Variants in NSD3 observed in about 807,000 individuals in gnomAD.
NSD3 encodes the protein histone-lysine N-methyltransferase NSD3.
Under a neutral mutation model 160.8 loss-of-function variants are expected in NSD3, and 24 were observed. The ratio of observed to expected loss-of-function variants is 0.15; its 90% CI spans 0.11 to 0.21. The LOEUF (loss-of-function observed/expected upper bound fraction) is 0.21. NSD3 is among the 10% of genes least tolerant of loss of function. NSD3 has a pLI of 1.00. For synonymous variants in NSD3, 520 were observed against 600.0 expected, an observed-to-expected ratio of 0.87 and a Z score of 1.95; for missense variants, 1,157 against 1,735.9, an observed-to-expected ratio of 0.67 and a Z score of 5.93.
At chr8:38,374,001 G>A (rs1323326152) in intron 1 of NSD3, among the ~76,000 whole-genome samples, 1 of 149,742 alleles carries the variant, frequency 6.7e-6, no homozygotes, top group Non-Finnish European at 1.5e-5. Context: ...TGTAGTCCCA[G>A]CTACTCAGGA....
In NSD3 at chr8:38,305,999, T is replaced by C. The variant is rs575618101; in HGVS notation, c.2243-554A>G. On this transcript the variant is annotated intron_variant, in intron 12 of 23. Transcript: ENST00000317025. ...AGAAAAATGGAAGCCAAAAAAACAATAGAATGATATTTTCAAAGGGCTGAA... is the reference window on the plus strand; with the variant it reads ...AGAAAAATGGAAGCCAAAAAAACAACAGAATGATATTTTCAAAGGGCTGAA... 1.5e-4 allele frequency among the ~76,000 whole-genome samples: 23 copies of C among 152,000 alleles called. 1 individual carries two copies. The South Asian group carries it at 3.5e-3, about 23-fold the overall frequency.
intron 19 of NSD3, among the ~76,000 whole-genome samples, chr8:38,286,866 ACACGG>A (rs1447685760): frequency 1.3e-5 from 2 of 152,170 alleles, no homozygotes; most frequent in Non-Finnish European, 2.9e-5. Context: ...TCTACCACAC[ACACGG>A]CAAACAGCGC....
chr8:38,335,777 A>G (rs1479748547), intron 4 of NSD3, among the ~76,000 whole-genome samples: 2 of 152,232 alleles, frequency 1.3e-5, no homozygotes, highest in African/African-American at 4.8e-5. Context: ...TTATGAAATT[A>G]AGATTTCTTT....
At chr8:38,352,771 A>AT (rs1810734433) in intron 1 of NSD3, among the ~76,000 whole-genome samples, 1 of 151,872 alleles carries the variant, frequency 6.6e-6, no homozygotes, top group Non-Finnish European at 1.5e-5. Flanking sequence ...CACCTGGCTA[A>AT]TTTTTTGTAT....
At chr8:38,341,883 C>T (rs759635065) in intron 2 of NSD3, among the ~76,000 whole-genome samples, 1 of 151,598 alleles carries the variant, frequency 6.6e-6, no homozygotes, top group Admixed American at 6.6e-5. Flanking sequence ...GAGTTTGAGG[C>T]TGTGTGAGCT....
intron 4 of NSD3, 123 bp from the exon 5 acceptor site, chr8:38,331,708 G>A: frequency 1.0e-6 from 1 of 992,260 alleles, no homozygotes; most frequent in Non-Finnish European, 1.5e-6. Context: ...TGTTTGGATT[G>A]TCCAAAGATA....
intron 21 of NSD3, among the ~76,000 whole-genome samples, chr8:38,278,707 G>T (rs1226247662): frequency 6.6e-6 from 1 of 152,218 alleles, no homozygotes; most frequent in African/African-American, 2.4e-5. Flanking sequence ...ATGCTCAGGA[G>T]ACTAGGTTCC....
chr8:38,296,208 A>T (rs1421184634), intron 15 of NSD3, among the ~76,000 whole-genome samples: 1 of 152,186 alleles, frequency 6.6e-6, no homozygotes, highest in Non-Finnish European at 1.5e-5. Flanking sequence ...ACTCCTTTAA[A>T]CTATGGGCTA....
Position 38,316,609 on chromosome 8 carries a change from C to T in NSD3, c.1856-567G>A. 9.5e-7 allele frequency: 1 copy of T among 1,052,444 alleles called. No individual in the cohort carries two copies. Among genetic ancestry groups the T allele is most frequent in the Non-Finnish European group, 1.1e-6 (1 of 871,186 alleles). The allele number at this position is 1,052,444 out of a possible 1,614,324, so 65.2% of individuals were successfully genotyped here. A position where few individuals can be genotyped will look rare whatever the true frequency, so the allele number is the denominator to read the frequency against. On this transcript the variant is annotated intron_variant, in intron 9 of 23. Transcript: ENST00000317025. This position sits in a 1 kb window ranked among gnomAD's most constrained non-coding sequence, Gnocchi z 4.5. ...ATCTGAGACTTCCTTGGTGAAGTGG[C>T]ATTTATTGTGACCATTAACAAGCGC...
chr8:38,379,677 CA>C (rs1811488339), intron 1 of NSD3, among the ~76,000 whole-genome samples: 1 of 152,164 alleles, frequency 6.6e-6, no homozygotes, highest in Admixed American at 6.5e-5. Context: ...TTCTGTATAA[CA>C]ACTGAGAGGA....
Position 38,345,541 on chromosome 8 carries a change from C to T in NSD3, c.675+1956G>A, listed in dbSNP as rs145264965. 4.2e-3 allele frequency among the ~76,000 whole-genome samples: 644 copies of T among 152,142 alleles called. 2 individuals are homozygous for T. The highest frequency in any genetic ancestry group is 0.015 in the African/African-American group (614 of 41,504). ...CTTTATCCCAAGCTATTGTAAGATC[C>T]TAAACAATCAAATAGTAAATTTTGC... On this transcript the variant is annotated intron_variant, in intron 2 of 23. Coordinates refer to ENST00000317025, the MANE Select transcript of NSD3 (RefSeq NM_023034.2).
Position 38,321,050 on chromosome 8 carries a change from T to C in NSD3, c.1809+22A>G. On this transcript the variant is annotated intron_variant, in intron 8 of 23. Transcript: ENST00000317025. The surrounding 1 kb of genome is among the most constrained non-coding windows in gnomAD (Gnocchi z 4.7). ...ACATTTACAAATACAATGTTTTAAC[T>C]CTCTACATGTAGGAAGCCAACCTGC... is the stretch of plus-strand genomic sequence containing the variant. 3.8e-6 allele frequency: 6 copies of C among 1,599,700 alleles called. No individual in the cohort carries two copies. The highest frequency in any genetic ancestry group is 5.1e-6 in the Non-Finnish European group (6 of 1,168,642).
chr8:38,335,428 T>C (rs539338278), intron 4 of NSD3, among the ~76,000 whole-genome samples: 2 of 152,354 alleles, frequency 1.3e-5, no homozygotes, highest in South Asian at 4.1e-4. Flanking sequence ...AAACTCTTTA[T>C]ATAATCTCAA....
At position 38,367,773 on chromosome 8, in the gene NSD3, G is replaced by A. The variant is rs183927375; in HGVS notation, c.-45+14026C>T. 1.3e-3 allele frequency among the ~76,000 whole-genome samples: 194 copies of A among 152,178 alleles called. 1 individual carries two copies. The highest frequency in any genetic ancestry group is 4.3e-3 in the African/African-American group (179 of 41,534). On this transcript the variant is annotated intron_variant, in intron 1 of 23. Coordinates refer to ENST00000317025, the MANE Select transcript of NSD3 (RefSeq NM_023034.2). ...CATCTATCACCTTAACATTATTTAA[G>A]ATGACCATTATTTGTAATATCAAAC...
At chr8:38,327,560 G>A (rs564519559) in intron 6 of NSD3, among the ~76,000 whole-genome samples, 6 of 152,168 alleles carry the variant, frequency 3.9e-5, no homozygotes, top group Non-Finnish European at 8.8e-5. Flanking sequence ...AAGATCACGT[G>A]AGGTAGAGTA....
At chr8:38,356,186 A>C (rs1810819283) in intron 1 of NSD3, among the ~76,000 whole-genome samples, 1 of 152,214 alleles carries the variant, frequency 6.6e-6, no homozygotes, top group South Asian at 2.1e-4. Flanking sequence ...CCTCTGAACA[A>C]TGTTTCTAGG....
intron 12 of NSD3, among the ~76,000 whole-genome samples, chr8:38,313,476 G>C (rs1417298317): frequency 6.6e-6 from 1 of 152,060 alleles, no homozygotes; most frequent in Non-Finnish European, 1.5e-5. Flanking sequence ...GAAATAGCAG[G>C]AGAAAATGCT....
intron 12 of NSD3, among the ~76,000 whole-genome samples, chr8:38,309,776 A>G (rs1358445020): frequency 6.6e-6 from 1 of 152,360 alleles, no homozygotes; most frequent in South Asian, 2.1e-4. Flanking sequence ...CAAAAGGGCA[A>G]ATAAAGATGC....
At chr8:38,311,893 AT>A (rs1477451290) in intron 12 of NSD3, among the ~76,000 whole-genome samples, 4 of 151,804 alleles carry the variant, frequency 2.6e-5, no homozygotes, top group African/African-American at 4.8e-5. Context: ...CCTCTATGCA[AT>A]TTTTTCTTCC....
Sources: gnomAD v4.1 joint callset for allele counts (sites outside exome capture counted in the v4.1 genomes callset) on GRCh38, gnomAD v4.1.1 for gene constraint, Gnocchi (gnomAD v3.1) non-coding constraint, MANE v1.5 for transcripts, NCBI Gene and HGNC (gene_info 2026-07-23, HGNC 2026-07-21) for gene names.